CRYBG3: variants seen among roughly 807,000 people sequenced by gnomAD.
CRYBG3 encodes very large A-kinase anchor protein.
A neutral mutation model predicts 244.2 loss-of-function variants in CRYBG3; 127 were observed. The observed-to-expected ratio is 0.52, with a 90% confidence interval of 0.45 to 0.60. The LOEUF is 0.60. Among genes scored for constraint, CRYBG3 ranks in the 20% least tolerant of loss-of-function variants. The pLI is 0.00. For synonymous variants in CRYBG3, 1,132 were observed against 1,195.8 expected, an observed-to-expected ratio of 0.95 and a Z score of 1.10; for missense variants, 3,325 against 3,442.5, an observed-to-expected ratio of 0.97 and a Z score of 0.85.
chr3:97,877,645 G>T lies in CRYBG3; in HGVS notation c.6451G>T (p.Glu2151Ter). ...CAGAGAGGCAGCTGATGAGGAAGAA[G>T]AGGAGGAGGAGGCAGCAGTATTGCA... ...DDREAADEEE[E>*]EEEAAVLHKG... Residue 2151 changes from glutamate (E) to a stop codon, truncating the protein, a stop_gained, in exon 4 of 22, where the codon GAG (glutamate) becomes TAG (stop). Coordinates refer to ENST00000389622, the MANE Select transcript of CRYBG3 (RefSeq NM_153605.4). LOFTEE classifies it high-confidence loss of function. The T allele has an allele frequency of 6.2e-7, 1 of 1,614,112 alleles. No homozygotes were observed.
intron 10 of CRYBG3, among the ~76,000 whole-genome samples, chr3:97,889,836 A>C (rs1424124986): frequency 6.6e-6 from 1 of 152,166 alleles, no homozygotes; most frequent in African/African-American, 2.4e-5. Flanking sequence ...GAGTATCCAA[A>C]GGGAAAAGTA....
At position 97,881,082 on chromosome 3, in the gene CRYBG3, TATGAGAAAC is replaced by T; in HGVS notation, c.7016_7024del (p.Tyr2339_Pro2342delinsSer). ...TTTCTCTTTGTTTAGCTGGATTTTATATGAGAAACCACATTTCCGAGGTCAGAAATGTGT... is the reference window on the plus strand; with the variant it reads ...TTTCTCTTTGTTTAGCTGGATTTTATCACATTTCCGAGGTCAGAAATGTGT... On this transcript the variant is annotated inframe_deletion, in exon 7 of 22. Transcript: ENST00000389622. The T allele has an allele frequency of 6.3e-7, 1 of 1,590,534 alleles. No homozygotes were observed. Among genetic ancestry groups the T allele is most frequent in the South Asian group, 1.2e-5 (1 of 85,232 alleles).
intron 3 of CRYBG3, among the ~76,000 whole-genome samples, chr3:97,866,053 A>G (rs929882951): frequency 2.0e-5 from 3 of 152,220 alleles, no homozygotes; most frequent in Admixed American, 6.5e-5. Context: ...CTTTCAAATA[A>G]AAGAAGTCTA....
At chr3:97,918,624 T>A (rs922055623) in intron 17 of CRYBG3, among the ~76,000 whole-genome samples, 5 of 152,220 alleles carry the variant, frequency 3.3e-5, no homozygotes, top group African/African-American at 1.2e-4. Context: ...GTATTAGCTT[T>A]CACAACAGTC....
rs1246360124 is a variant in CRYBG3, at chr3:97,877,333, G to C, written c.6139G>C (p.Asp2047His). ...LACERSESRT[D>H]LVHHFEKGTK... is the part of the protein sequence containing the mutation. ...ATGTGAAAGGTCTGAGAGTAGAACT[G>C]ACCTTGTCCATCACTTTGAAAAAGG... The change falls in exon 4 of 22, where the codon GAC becomes CAC. Residue 2047 changes from aspartate to histidine, a missense_variant. Asp to His is a moderately conservative substitution (Grantham distance 81). Transcript: ENST00000389622. 4 of 1,614,040 alleles carry C rather than the reference G, an allele frequency of 2.5e-6. No homozygotes were observed. The highest frequency in any genetic ancestry group is 1.7e-6 in the Non-Finnish European group (2 of 1,179,970).
Position 97,896,011 on chromosome 3 carries a change from G to C in CRYBG3, c.7627G>C (p.Glu2543Gln), listed in dbSNP as rs776788805. The C allele has an allele frequency of 2.1e-5, 34 of 1,613,500 alleles. No individual in the cohort carries two copies. The highest frequency in any genetic ancestry group is 2.8e-5 in the Non-Finnish European group (33 of 1,179,718). The change falls in exon 12 of 22, where the codon GAA (glutamate) becomes CAA (glutamine). Residue 2543 changes from glutamate (E) to glutamine (Q), a missense_variant. Physicochemically the swap from Glu to Gln is conservative, Grantham distance 29. Transcript: ENST00000389622. The stretch of plus-strand genomic sequence containing the variant: ...TAAAGGCCAGCAGTTTCTGCTTGAA[G>C]AAGGAGACTTTGAAGACAGTAATGC... Reference protein sequence around the residue: ...HFKGQQFLLEEGDFEDSNACG... With the variant: ...HFKGQQFLLEQGDFEDSNACG...
chr3:97,902,516 T>C (rs1181513562), intron 15 of CRYBG3, among the ~76,000 whole-genome samples: 4 of 151,634 alleles, frequency 2.6e-5, no homozygotes, highest in Non-Finnish European at 5.9e-5. Flanking sequence ...GCGGGATACA[T>C]GTACAGAACG....
At chr3:97,856,810 TCTGA>T (rs2039072476) in intron 2 of CRYBG3, among the ~76,000 whole-genome samples, 1 of 152,136 alleles carries the variant, frequency 6.6e-6, no homozygotes, top group African/African-American at 2.4e-5. Flanking sequence ...TTTTTCTTAG[TCTGA>T]CTAATGGTTT....
At chr3:97,899,734 A>G (rs1464357700) in intron 14 of CRYBG3, among the ~76,000 whole-genome samples, 6 of 152,214 alleles carry the variant, frequency 3.9e-5, no homozygotes, top group African/African-American at 7.2e-5. Flanking sequence ...GATAGTTTAA[A>G]GGATAAAACC....
In CRYBG3 at chr3:97,874,298, T is replaced by TTTACTGAAATTGAAAAAGAATTTGGAAAA; in HGVS notation, c.3104_3105insTTACTGAAATTGAAAAAGAATTTGGAAAA (p.Lys1036TyrfsTer2). On this transcript the variant is annotated stop_gained and frameshift_variant, in exon 4 of 22. Transcript: ENST00000389622. LOFTEE classifies it high-confidence loss of function. ...AGCTTCCTTAAAGTACCTTCTGTGC[T>TTTACTGAAATTGAAAAAGAATTTGGAAAA]GAAATTGGAAAAGAAATCCTCATCT... 6.5e-7 allele frequency: 1 copy of TTTACTGAAATTGAAAAAGAATTTGGAAAA among 1,528,366 alleles called. No individual in the cohort carries two copies. The highest frequency in any genetic ancestry group is 1.2e-5 in the South Asian group (1 of 81,890). The allele number at this position is 1,528,366 out of a possible 1,614,324, so 94.7% of individuals were successfully genotyped here.
intron 1 of CRYBG3, among the ~76,000 whole-genome samples, chr3:97,827,301 T>C (rs2038591061): frequency 6.6e-6 from 1 of 152,216 alleles, no homozygotes; most frequent in South Asian, 2.1e-4. Flanking sequence ...ATTAAAGGAC[T>C]TATTAGTAAC....
At chr3:97,927,061 G>T (rs1002702517) in intron 17 of CRYBG3, among the ~76,000 whole-genome samples, 7 of 151,924 alleles carry the variant, frequency 4.6e-5, no homozygotes, top group African/African-American at 1.7e-4. Context: ...TTAGAAAAAA[G>T]CTATTCTAAA....
chr3:97,847,206 A>G (rs2038916796), intron 2 of CRYBG3, among the ~76,000 whole-genome samples: 1 of 152,160 alleles, frequency 6.6e-6, no homozygotes, highest in South Asian at 2.1e-4. Flanking sequence ...ATTATATTTC[A>G]GTGTGAGGGT....
Position 97,875,704 on chromosome 3 carries a change from T to C in CRYBG3, c.4510T>C (p.Ser1504Pro). ...TTTGTCTGATAGCCTTGTATGTATATCTGAAAAAAACTTGCCAGGACACAG... is the reference window on the plus strand; with the variant it reads ...TTTGTCTGATAGCCTTGTATGTATACCTGAAAAAAACTTGCCAGGACACAG... Reference protein sequence around the residue: ...SSLSDSLVCISEKNLPGHSKN... With the variant: ...SSLSDSLVCIPEKNLPGHSKN... Residue 1504 changes from serine to proline, a missense_variant, in exon 4 of 22, where the codon TCT becomes CCT. By Grantham distance (74) the Ser-to-Pro change is moderately conservative. Transcript: ENST00000389622. 8.1e-7 allele frequency: 1 copy of C among 1,232,278 alleles called. No homozygotes were observed. Among genetic ancestry groups the C allele is most frequent in the Non-Finnish European group, 1.0e-6 (1 of 988,204 alleles). The allele number at this position is 1,232,278 out of a possible 1,614,324, so 76.3% of individuals were successfully genotyped here. A position where few individuals can be genotyped will look rare whatever the true frequency, so the allele number is the denominator to read the frequency against.
chr3:97,865,423 A>T (rs1300640964), intron 3 of CRYBG3, among the ~76,000 whole-genome samples: 2 of 152,184 alleles, frequency 1.3e-5, no homozygotes, highest in East Asian at 3.8e-4. Context: ...TATAGTTTCC[A>T]GGAAGTTCTT....
At position 97,943,558 on chromosome 3, in the gene CRYBG3, AT is replaced by A. The variant is rs2040281961; in HGVS notation, c.*245del. The A allele has an allele frequency of 6.3e-5, 27 of 431,528 alleles. 1 individual carries two copies. In the South Asian group the frequency reaches 8.3e-4, roughly 13 times the overall value. The allele number at this position is 431,528 out of a possible 1,614,324, so 26.7% of individuals were successfully genotyped here. A position where few individuals can be genotyped will look rare whatever the true frequency, so the allele number is the denominator to read the frequency against. The stretch of plus-strand genomic sequence containing the variant: ...ATATCTTGGAAAGGTTCTATTCCTG[AT>A]CTCCAGCTGTGGTGAGCAAGTTTCC... On this transcript the variant is annotated 3_prime_UTR_variant, in exon 22 of 22. Transcript: ENST00000389622.
chr3:97,833,480 C>T (rs536217785), intron 1 of CRYBG3, among the ~76,000 whole-genome samples: 4 of 152,220 alleles, frequency 2.6e-5, no homozygotes, highest in East Asian at 3.9e-4. Flanking sequence ...CCAAACACCA[C>T]GTGTTCTTAC....
chr3:97,873,707 T>A lies in CRYBG3; in HGVS notation c.2513T>A (p.Leu838Ter). 6.5e-7 allele frequency: 1 copy of A among 1,535,962 alleles called. No individual in the cohort carries two copies. ...TCTGGAAGAGGAAAAACTATATCCT[T>A]GTCCAAGGTATCTCTTTCAAAAGTG... ...SHSGRGKTIS[L>*]SKVSLSKVEP... Residue 838 changes from leucine to a stop codon, truncating the protein, a stop_gained, in exon 4 of 22, where the codon TTG becomes TAG. Transcript: ENST00000389622. LOFTEE classifies it high-confidence loss of function.
chr3:97,934,967 T>G (rs1430052661), intron 18 of CRYBG3, among the ~76,000 whole-genome samples: 1 of 152,074 alleles, frequency 6.6e-6, no homozygotes, highest in Non-Finnish European at 1.5e-5. Flanking sequence ...ATCTTGACAT[T>G]CTTATTTCTT....
Sources: allele counts gnomAD v4.1 joint callset (sites outside exome capture counted in the v4.1 genomes callset), GRCh38; gene constraint gnomAD v4.1.1; transcripts MANE v1.5; gene names NCBI Gene and HGNC (gene_info 2026-07-23, HGNC 2026-07-21).